NAV1: variants seen among roughly 807,000 people sequenced by gnomAD.
NAV1 encodes the protein pore membrane and/or filament interacting like protein 3.
A neutral mutation model predicts 175.2 loss-of-function variants in NAV1; 18 were observed. The ratio of observed to expected loss-of-function variants is 0.10; its 90% CI spans 0.07 to 0.15. NAV1 has a LOEUF of 0.15. Among genes scored for constraint, NAV1 ranks in the 10% least tolerant of loss-of-function variants. The pLI, the probability that NAV1 is intolerant of heterozygous loss-of-function variation, is 1.00. For missense variants in NAV1, 1,731 were observed against 2,436.6 expected, an observed-to-expected ratio of 0.71 and a Z score of 6.10; for synonymous variants, 897 against 978.7, an observed-to-expected ratio of 0.92 and a Z score of 1.56.
upstream of NAV1, among the ~76,000 whole-genome samples, chr1:201,643,848 T>A (rs1422620869): frequency 1.3e-5 from 2 of 152,292 alleles, no homozygotes; most frequent in Non-Finnish European, 2.9e-5. Context: ...GACACCTGGG[T>A]TACATCCGTT....
At chr1:201,546,986 G>C (rs899782929) in intron 1 of NAV1, among the ~76,000 whole-genome samples, 1 of 146,572 alleles carries the variant, frequency 6.8e-6, no homozygotes, top group Non-Finnish European at 1.5e-5. Flanking sequence ...CAAAGAACAA[G>C]GACATTTTTT....
At chr1:201,675,509 C>A (rs1264795671) in intron 1 of NAV1, among the ~76,000 whole-genome samples, 1 of 152,188 alleles carries the variant, frequency 6.6e-6, no homozygotes, top group African/African-American at 2.4e-5. Context: ...CTCAAAGGAA[C>A]TGCTCCATAA....
exon 1 of NAV1, chr1:201,649,422 C>T (rs1183148459): frequency 6.5e-7 from 1 of 1,543,608 alleles, no homozygotes; most frequent in Non-Finnish European, 8.7e-7. Context: ...CAGCCAGATG[C>T]TGGGTAAGTC....
intron 1 of NAV1, among the ~76,000 whole-genome samples, chr1:201,712,580 A>T (rs944411501): frequency 1.3e-5 from 2 of 152,180 alleles, no homozygotes; most frequent in African/African-American, 4.8e-5. Flanking sequence ...ACAGACACAG[A>T]AAGCCATGCC....
At chr1:201,602,225 C>A (rs1023534758) in intron 2 of NAV1, among the ~76,000 whole-genome samples, 4 of 152,196 alleles carry the variant, frequency 2.6e-5, no homozygotes, top group Admixed American at 6.5e-5. Flanking sequence ...GTTTCAAGCT[C>A]TTTTCTTTAT....
chr1:201,783,354 C>T lies in NAV1; in HGVS notation c.2358-52C>T, dbSNP rs1167817411. ...AGGATTTCTTTAAGGTCCTATCTGC[C>T]TCTCACTCTGTAATTCTATTATTCT... On this transcript the variant is annotated intron_variant, in intron 6 of 29. Coordinates refer to ENST00000367296, the Ensembl canonical transcript of NAV1. The T allele has an allele frequency of 2.6e-6, 4 of 1,550,424 alleles. No individual in the cohort carries two copies. The African/African-American group carries it at 5.4e-5, about 21-fold the overall frequency.
At chr1:201,672,086 C>G (rs1303440582) in intron 1 of NAV1, among the ~76,000 whole-genome samples, 1 of 152,196 alleles carries the variant, frequency 6.6e-6, no homozygotes, top group African/African-American at 2.4e-5. Flanking sequence ...ACCAAGAACT[C>G]ACTCACACTG....
chr1:201,590,737 GCCAGGCCTCTTGC>G (rs1398074028), intron 2 of NAV1, among the ~76,000 whole-genome samples: 2 of 152,214 alleles, frequency 1.3e-5, no homozygotes, highest in African/African-American at 2.4e-5. Context: ...AGCCGAGTCG[GCCAGGCCTCTTGC>G]CCGTCTGAGA....
rs977789884 is a variant in NAV1, at chr1:201,807,827, A to G, written c.3649-126A>G. 2 of 855,916 alleles carry G rather than the reference A, an allele frequency of 2.3e-6. No individual in the cohort carries two copies. Among genetic ancestry groups the G allele is most frequent in the African/African-American group, 3.4e-5 (2 of 59,122 alleles). The allele number at this position is 855,916 out of a possible 1,614,324, so 53.0% of individuals were successfully genotyped here. On this transcript the variant is annotated intron_variant, in intron 17 of 29. Transcript: ENST00000367296. The surrounding 1 kb of genome is among the most constrained non-coding windows in gnomAD (Gnocchi z 5.4). ...CTATGAATCAAGTGAAGTGTTATAG[A>G]GGGTGGCTTAATTAAAGTAAATCCC... is the stretch of plus-strand genomic sequence containing the variant.
chr1:201,795,210 C>T (rs569121452), intron 15 of NAV1: 1 of 152,488 alleles, frequency 6.6e-6, no homozygotes, highest in Admixed American at 6.5e-5. Flanking sequence ...TCAAGCTCCT[C>T]ATTCCACCAC....
chr1:201,808,836 T>C lies in NAV1; in HGVS notation c.4172T>C (p.Leu1391Pro). 4 of 1,613,424 alleles carry C rather than the reference T, an allele frequency of 2.5e-6. No individual in the cohort carries two copies. The highest frequency in any genetic ancestry group is 3.4e-6 in the Non-Finnish European group (4 of 1,179,682). Residue 1391 changes from leucine to proline, a missense_variant, in exon 20 of 30, where the codon CTC becomes CCC. Leu to Pro is a moderately conservative substitution (Grantham distance 98). Around this residue, in one of 13 missense-constraint regions of NAV1, gnomAD observed 122 missense variants for 139.4 expected, o/e 0.88. Transcript: ENST00000367296. The surrounding 1 kb of genome is among the most constrained non-coding windows in gnomAD (Gnocchi z 5.5). Reference sequence around the variant, plus strand: ...CCACGCCGCTCCCTAGGCCTGGCACTCACCCATTCCTTCGGCCCCAGTCTT... The same window carrying C: ...CCACGCCGCTCCCTAGGCCTGGCACCCACCCATTCCTTCGGCCCCAGTCTT...
chr1:201,768,123 G>C (rs754490954), intron 3 of NAV1, among the ~76,000 whole-genome samples: 1 of 152,028 alleles, frequency 6.6e-6, no homozygotes, highest in Admixed American at 6.5e-5. Context: ...TCAGGAGTTC[G>C]AGACCAGCCT....
intron 2 of NAV1, among the ~76,000 whole-genome samples, chr1:201,600,229 A>G (rs1029668787): frequency 1.3e-5 from 2 of 152,208 alleles, no homozygotes; most frequent in Non-Finnish European, 2.9e-5. Flanking sequence ...CAGGTTGCTG[A>G]GTGAGCCTCC....
chr1:201,627,520 G>A (rs1222724006), intron 1 of NAV1, among the ~76,000 whole-genome samples: 4 of 103,182 alleles, frequency 3.9e-5, no homozygotes, highest in African/African-American at 7.8e-5. Context: ...TGATCCATCC[G>A]CCCCGGCCCC....
intron 1 of NAV1, among the ~76,000 whole-genome samples, chr1:201,549,523 TAC>T (rs1389287220): frequency 1.3e-5 from 2 of 152,194 alleles, no homozygotes; most frequent in Non-Finnish European, 1.5e-5. Context: ...GGCTTCTAAA[TAC>T]ACAGAGGTGA....
chr1:201,755,835 G>A (rs532622478), intron 3 of NAV1, among the ~76,000 whole-genome samples: 3 of 152,216 alleles, frequency 2.0e-5, no homozygotes, highest in East Asian at 3.9e-4. Context: ...GGCTGGGCAC[G>A]GTGGCTCACA....
Position 201,817,291 on chromosome 1 carries a change from T to C in NAV1, c.5538+6T>C, listed in dbSNP as rs1212158739. 3 of 1,613,362 alleles carry C rather than the reference T, an allele frequency of 1.9e-6. No individual in the cohort carries two copies. The highest frequency in any genetic ancestry group is 2.5e-6 in the Non-Finnish European group (3 of 1,179,626). ...CTCTGGACTCAGATCCTCTGGTGAG[T>C]AGAAGCCATTCTAGAGTAAAAATAA... On this transcript the variant is annotated splice_donor_region_variant and intron_variant, in intron 29 of 29. Transcript: ENST00000367296.
intron 2 of NAV1, among the ~76,000 whole-genome samples, chr1:201,641,446 C>T (rs1227362095): frequency 6.6e-6 from 1 of 152,208 alleles, no homozygotes; most frequent in East Asian, 1.9e-4. Context: ...GCTCCCATCT[C>T]ACTGGAAGTA....
chr1:201,697,548 G>A (rs770693693), intron 1 of NAV1, among the ~76,000 whole-genome samples: 11 of 152,136 alleles, frequency 7.2e-5, no homozygotes, highest in East Asian at 1.9e-4. Context: ...AGGCTGTGTC[G>A]TCTTGAGCAA....
Sources: gnomAD v4.1 joint callset for allele counts (sites outside exome capture counted in the v4.1 genomes callset) on GRCh38, gnomAD v4.1.1 for gene constraint, gnomAD v4.1.1 regional missense constraint, Gnocchi (gnomAD v3.1) non-coding constraint, MANE v1.5 for transcripts, NCBI Gene and HGNC (gene_info 2026-07-23, HGNC 2026-07-21) for gene names.